STAG3: variants seen among roughly 807,000 people sequenced by gnomAD.
STAG3 encodes STAG3 cohesin complex component, also known as cohesin subunit SA-3.
Under a neutral mutation model 160.7 loss-of-function variants are expected in STAG3, and 101 were observed. The ratio of observed to expected loss-of-function variants is 0.63; its 90% CI spans 0.54 to 0.74. The LOEUF (loss-of-function observed/expected upper bound fraction) is 0.74, where lower values mean the gene tolerates loss of function less well. Among genes scored for constraint, STAG3 ranks in the 30% least tolerant of loss-of-function variants. The pLI, the probability that STAG3 is intolerant of heterozygous loss-of-function variation, is 0.00. For missense variants in STAG3, 1,188 were observed against 1,517.4 expected, an observed-to-expected ratio of 0.78 and a Z score of 3.61; for synonymous variants, 519 against 585.0, an observed-to-expected ratio of 0.89 and a Z score of 1.63.
intron 4 of STAG3, among the ~76,000 whole-genome samples, chr7:100,183,627 G>T (rs1233739195): frequency 6.6e-6 from 1 of 152,174 alleles, no homozygotes; most frequent in African/African-American, 2.4e-5. Context: ...AACATTAATA[G>T]TGCTGTAGAG....
chr7:100,180,129 C>G (rs1343935833), intron 1 of STAG3, among the ~76,000 whole-genome samples: 1 of 152,094 alleles, frequency 6.6e-6, no homozygotes, highest in Non-Finnish European at 1.5e-5. Flanking sequence ...GATCGTAGCT[C>G]ACTGCAGCCT....
chr7:100,217,724 T>G (rs1343687036), downstream of STAG3, among the ~76,000 whole-genome samples: 1 of 152,144 alleles, frequency 6.6e-6, no homozygotes, highest in Admixed American at 6.5e-5. Context: ...CAGGGGTCTT[T>G]ACCTTTTAGG....
At chr7:100,199,080 A>G in intron 14 of STAG3, 123 bp downstream of exon 14, 1 of 1,001,392 alleles carries the variant, frequency 1.0e-6, no homozygotes, top group South Asian at 1.3e-5. Context: ...CTTTGAGCCC[A>G]GGAGTTTGAG....
At chr7:100,210,033 GGT>G (rs1802032800) in intron 29 of STAG3, among the ~76,000 whole-genome samples, 1 of 152,222 alleles carries the variant, frequency 6.6e-6, no homozygotes, top group South Asian at 2.1e-4. Flanking sequence ...GCAGAGTATA[GGT>G]GATATTTAAG....
downstream of STAG3, among the ~76,000 whole-genome samples, chr7:100,217,401 C>T (rs1312077385): frequency 6.6e-6 from 1 of 152,214 alleles, no homozygotes; most frequent in African/African-American, 2.4e-5. Context: ...GAGGCCTTTG[C>T]CCAGCCTGGT....
At chr7:100,200,065 CAA>C (rs59199513) in intron 16 of STAG3, 169 bp from the exon 17 acceptor site, 10,665 of 365,282 alleles carry the variant, frequency 0.029, no homozygotes, top group South Asian at 0.045. Context: ...GACTCCGTCT[CAA>C]AAAAAAAAAA....
chr7:100,213,591 C>A (rs1227115379), intron 32 of STAG3, 144 bp from the exon 33 acceptor site: 68 of 1,489,238 alleles, frequency 4.6e-5, no homozygotes, highest in Non-Finnish European at 5.3e-5. Flanking sequence ...GGTGCCCACA[C>A]TGACTTCCCT....
In STAG3 at chr7:100,200,442, A is replaced by C; in HGVS notation, c.1771-11A>C. The C allele has an allele frequency of 6.2e-7, 1 of 1,614,048 alleles. No individual in the cohort carries two copies. Among genetic ancestry groups the C allele is most frequent in the Non-Finnish European group, 8.5e-7 (1 of 1,179,980 alleles). ...CAGCTTGTAAGGAGGCCTCCCTGTC[A>C]ATCATCACAGTTCTCAGCTGATGCA... On this transcript the variant is annotated splice_polypyrimidine_tract_variant and intron_variant, in intron 17 of 33. Transcript: ENST00000615138.
At chr7:100,181,287 C>T (rs1192678587) in intron 2 of STAG3, 1 of 152,182 alleles carries the variant, frequency 6.6e-6, no homozygotes, top group African/African-American at 2.4e-5. Context: ...GAATTTCATA[C>T]AGATCTGCTT....
chr7:100,210,756 G>C (rs1397308900), intron 29 of STAG3, among the ~76,000 whole-genome samples: 3 of 152,122 alleles, frequency 2.0e-5, no homozygotes, highest in African/African-American at 7.2e-5. Context: ...TTTCCATCTT[G>C]TTTTCTAGGC....
chr7:100,180,068 G>T (rs763650701), intron 1 of STAG3, among the ~76,000 whole-genome samples: 25 of 150,164 alleles, frequency 1.7e-4, no homozygotes, highest in Non-Finnish European at 3.0e-4. Flanking sequence ...TTTTTTTGAG[G>T]GGGGACAGGG....
At chr7:100,187,260 C>T (rs1329869125) in intron 5 of STAG3, among the ~76,000 whole-genome samples, 3 of 151,650 alleles carry the variant, frequency 2.0e-5, no homozygotes, top group African/African-American at 4.8e-5. Context: ...TGACCTCAGG[C>T]GATCCCCCTG....
Position 100,180,542 on chromosome 7 carries a change from T to C in STAG3, c.-15T>C. The stretch of plus-strand genomic sequence containing the variant: ...GTCCTCATCTTCCTGGCCTCATAGC[T>C]CCTCCTCTCCAAGCATGTCTTCCCC... On this transcript the variant is annotated 5_prime_UTR_variant, in exon 2 of 34. Coordinates refer to ENST00000615138, the MANE Select transcript of STAG3 (RefSeq NM_001282717.2). 6.6e-7 allele frequency: 1 copy of C among 1,522,686 alleles called. No individual in the cohort carries two copies. The highest frequency in any genetic ancestry group is 9.1e-7 in the Non-Finnish European group (1 of 1,096,380). 94.3% of individuals were successfully genotyped at this position (1,522,686 alleles called of 1,614,324 possible).
chr7:100,197,874 A>G lies in STAG3; in HGVS notation c.1162A>G (p.Lys388Glu). Residue 388 changes from lysine to glutamate, a missense_variant and splice_region_variant, in exon 11 of 34, where the codon AAG becomes GAG. This residue lies in a region of STAG3 where 240 missense variants were observed against 358.1 expected (regional missense o/e 0.67). Transcript: ENST00000615138. ...TRLELFTSRF[K>E]DRMVSMVMDR... is the part of the protein sequence containing the mutation. ...CCTGGAGCTCTTCACCAGCCGCTTC[A>G]AGGTAAAATGGGTGGTGCTCCATGG... 1.2e-6 allele frequency: 2 copies of G among 1,613,454 alleles called. No homozygotes were observed. The highest frequency in any genetic ancestry group is 8.5e-7 in the Non-Finnish European group (1 of 1,179,724).
At chr7:100,182,872 C>G in intron 4 of STAG3, 33 bp downstream of exon 4, 1 of 1,612,540 alleles carries the variant, frequency 6.2e-7, no homozygotes, top group African/African-American at 1.3e-5. Context: ...TTGATACCAT[C>G]TCACTTTTTG....
Position 100,197,015 on chromosome 7 carries a change from C to T in STAG3, c.942-141C>T, listed in dbSNP as rs537280441. The T allele has an allele frequency of 6.3e-4, 389 of 618,542 alleles. 2 individuals are homozygous for T. The highest frequency in any genetic ancestry group is 1.1e-4 in the Non-Finnish European group (39 of 341,934). 38.3% of individuals were successfully genotyped at this position (618,542 alleles called of 1,614,324 possible). Reference sequence around the variant, plus strand: ...TTTACTATATATATAGTATTTACATCGGGAGGAAGAAATGAAAGGCATGGG... The same window carrying T: ...TTTACTATATATATAGTATTTACATTGGGAGGAAGAAATGAAAGGCATGGG... On this transcript the variant is annotated intron_variant, in intron 9 of 33. Transcript: ENST00000615138.
At chr7:100,186,864 GTTACTC>G (rs1800036162) in intron 5 of STAG3, among the ~76,000 whole-genome samples, 1 of 151,392 alleles carries the variant, frequency 6.6e-6, no homozygotes. Flanking sequence ...ATGCAATAAT[GTTACTC>G]TTTGTTTCCC....
In STAG3 at chr7:100,207,466, G is replaced by A. The variant is rs550986041; in HGVS notation, c.3238+2082G>A. On this transcript the variant is annotated intron_variant, in intron 29 of 33. Coordinates refer to ENST00000615138, the MANE Select transcript of STAG3 (RefSeq NM_001282717.2). This position sits in a 1 kb window ranked among gnomAD's most constrained non-coding sequence, Gnocchi z 4.0. ...TGGTTTAAATTTGCATTTCCCTAAT[G>A]ACAAATGGTATTGAGCATCTTTTCA... 3.9e-5 allele frequency among the ~76,000 whole-genome samples: 6 copies of A among 152,274 alleles called. No homozygotes were observed. Among genetic ancestry groups the A allele is most frequent in the South Asian group, 2.1e-4 (1 of 4,832 alleles).
intron 32 of STAG3, 127 bp from the exon 33 acceptor site, chr7:100,213,608 A>C (rs540529231): frequency 1.3e-6 from 2 of 1,517,164 alleles, no homozygotes; most frequent in East Asian, 4.6e-5. Context: ...CCCTCCCAGG[A>C]GGTGCCATAG....
Sources: allele counts gnomAD v4.1 joint callset (sites outside exome capture counted in the v4.1 genomes callset), GRCh38; gene constraint gnomAD v4.1.1; regional missense constraint gnomAD v4.1.1; non-coding constraint Gnocchi (gnomAD v3.1); transcripts MANE v1.5; gene names NCBI Gene and HGNC (gene_info 2026-07-23, HGNC 2026-07-21).